The following OLFM3 variants were observed in gnomAD, a reference collection of about 807,000 sequenced individuals.
OLFM3 encodes noelin-3.
Under a neutral mutation model 48.6 loss-of-function variants are expected in OLFM3, and 20 were observed. That is an observed-to-expected ratio of 0.41 (90% CI 0.29 to 0.60). The LOEUF (loss-of-function observed/expected upper bound fraction) is 0.60. Ranked by LOEUF, OLFM3 falls within the 20% of genes least tolerant of loss-of-function variation. OLFM3 has a pLI of 0.28. For synonymous variants in OLFM3, 222 were observed against 198.1 expected (o/e 1.12, Z -1.01); for missense variants, 437 against 544.3 (o/e 0.80, Z 1.96).
intron 1 of OLFM3, among the ~76,000 whole-genome samples, chr1:101,903,421 G>C (rs949727621): frequency 1.3e-5 from 2 of 152,078 alleles, no homozygotes; most frequent in African/African-American, 4.8e-5. Context: ...TTCTGCCTGA[G>C]AGAAAGATTT....
At chr1:101,807,730 G>T (rs1382021032) in intron 4 of OLFM3, among the ~76,000 whole-genome samples, 4 of 151,658 alleles carry the variant, frequency 2.6e-5, no homozygotes, top group South Asian at 2.1e-4. Flanking sequence ...TTTTGTAAAA[G>T]AAATCAAATG....
At chr1:101,949,343 C>G (rs1660050781) in intron 1 of OLFM3, among the ~76,000 whole-genome samples, 1 of 152,080 alleles carries the variant, frequency 6.6e-6, no homozygotes, top group African/African-American at 2.4e-5. Context: ...TTCCTGAATT[C>G]ACTCCCTAAA....
chr1:101,854,561 G>A (rs1656344368), intron 1 of OLFM3, among the ~76,000 whole-genome samples: 2 of 151,892 alleles, frequency 1.3e-5, no homozygotes, highest in South Asian at 4.2e-4. Flanking sequence ...TGAAGAAGTG[G>A]GAAAATATAA....
chr1:101,966,290 G>A (rs1027189614), intron 1 of OLFM3, among the ~76,000 whole-genome samples: 2 of 149,010 alleles, frequency 1.3e-5, no homozygotes, highest in African/African-American at 4.9e-5. Context: ...TCAGCCTCCT[G>A]AGTAGCTGGC....
chr1:101,878,369 C>T (rs935377505), intron 1 of OLFM3, among the ~76,000 whole-genome samples: 1 of 151,854 alleles, frequency 6.6e-6, no homozygotes, highest in African/African-American at 2.4e-5. Flanking sequence ...CCAGAGGAAG[C>T]AGATGTAAGC....
intron 1 of OLFM3, among the ~76,000 whole-genome samples, chr1:101,974,974 C>A (rs1660911119): frequency 6.6e-6 from 1 of 152,052 alleles, no homozygotes; most frequent in Non-Finnish European, 1.5e-5. Context: ...TCTCAGTCAC[C>A]TTTACCATGG....
intron 3 of OLFM3, among the ~76,000 whole-genome samples, chr1:101,827,770 G>A (rs1159765918): frequency 6.6e-6 from 1 of 152,162 alleles, no homozygotes; most frequent in Non-Finnish European, 1.5e-5. Flanking sequence ...TTCTGAATTT[G>A]AATCTTGGTT....
At chr1:101,890,973 C>T (rs1449474723) in intron 1 of OLFM3, among the ~76,000 whole-genome samples, 1 of 151,872 alleles carries the variant, frequency 6.6e-6, no homozygotes, top group Non-Finnish European at 1.5e-5. Context: ...TCTTTCATGC[C>T]TTATGCAATA....
intron 1 of OLFM3, among the ~76,000 whole-genome samples, chr1:101,842,634 A>C (rs1655783960): frequency 6.6e-6 from 1 of 152,118 alleles, no homozygotes; most frequent in Non-Finnish European, 1.5e-5. Flanking sequence ...GGTCCTTAGA[A>C]GTCATATTTA....
chr1:101,892,039 TA>T (rs1658019412), intron 1 of OLFM3, among the ~76,000 whole-genome samples: 1 of 152,058 alleles, frequency 6.6e-6, no homozygotes, highest in African/African-American at 2.4e-5. Context: ...TGTGTAAACT[TA>T]ATTGTATAAA....
intron 1 of OLFM3, among the ~76,000 whole-genome samples, chr1:101,985,684 C>G (rs1012338726): frequency 1.3e-5 from 2 of 152,076 alleles, no homozygotes; most frequent in African/African-American, 4.8e-5. Flanking sequence ...GTAATTTACT[C>G]ATTTATCTTT....
At chr1:101,866,138 AGTT>A (rs1656847487) in intron 1 of OLFM3, among the ~76,000 whole-genome samples, 1 of 152,182 alleles carries the variant, frequency 6.6e-6, no homozygotes, top group African/African-American at 2.4e-5. Context: ...ATTTCCAGAA[AGTT>A]GTTTTCTTCA....
At chr1:101,926,251 T>C (rs1482293536) in intron 1 of OLFM3, among the ~76,000 whole-genome samples, 1 of 152,200 alleles carries the variant, frequency 6.6e-6, no homozygotes. Flanking sequence ...TCTTCTTTCT[T>C]TCTACGGCAA....
chr1:101,929,151 T>TA (rs1039661984), intron 1 of OLFM3, among the ~76,000 whole-genome samples: 23 of 152,224 alleles, frequency 1.5e-4, no homozygotes, highest in African/African-American at 5.5e-4. Context: ...ATTGCACAGG[T>TA]AAAACTTCTT....
rs79232886 is a variant in OLFM3 at position 101,987,209 on chromosome 1, C to T, written c.69+9539G>A. The stretch of plus-strand genomic sequence containing the variant: ...AATTCCATTCACTTGATTCATTACC[C>T]TCAAATGTCTTCTGCTCAGTTTGGG... On this transcript the variant is annotated intron_variant, in intron 1 of 5. Transcript: ENST00000370103. Among the ~76,000 whole-genome samples, 665 of 152,276 alleles carry T rather than the reference C, an allele frequency of 4.4e-3. 5 individuals are homozygous for T. The highest frequency in any genetic ancestry group is 0.015 in the African/African-American group (621 of 41,566).
chr1:101,869,206 G>A lies in OLFM3; in HGVS notation c.70-32181C>T, dbSNP rs570666800. 5.3e-4 allele frequency among the ~76,000 whole-genome samples: 81 copies of A among 152,270 alleles called. 1 individual carries two copies. The Middle Eastern group carries it at 0.01, about 19-fold the overall frequency. On this transcript the variant is annotated intron_variant, in intron 1 of 5. Transcript: ENST00000370103. ...TTACTGTGCACCTGGGAAAACTGCA[G>A]GCACTCATGCCAGCCCATGAAAACA...
chr1:101,817,201 C>A (rs988392944), intron 4 of OLFM3, among the ~76,000 whole-genome samples: 5 of 152,050 alleles, frequency 3.3e-5, no homozygotes, highest in African/African-American at 1.2e-4. Context: ...ACAAAGGGAG[C>A]CAGACAGAGA....
chr1:101,810,026 G>T (rs759469373), intron 4 of OLFM3, among the ~76,000 whole-genome samples: 3 of 151,970 alleles, frequency 2.0e-5, no homozygotes, highest in Non-Finnish European at 4.4e-5. Context: ...CAACATGGAA[G>T]AATAGGTAAA....
chr1:101,896,039 T>G (rs1658189688), intron 1 of OLFM3, among the ~76,000 whole-genome samples: 1 of 151,364 alleles, frequency 6.6e-6, no homozygotes, highest in South Asian at 2.1e-4. Flanking sequence ...TATCGATTTA[T>G]GTAATAAAAT....
Sources: gnomAD v4.1 joint callset for allele counts (sites outside exome capture counted in the v4.1 genomes callset) on GRCh38, gnomAD v4.1.1 for gene constraint, MANE v1.5 for transcripts, NCBI Gene and HGNC (gene_info 2026-07-23, HGNC 2026-07-21) for gene names.